CCNG1: variants seen among roughly 807,000 people sequenced by gnomAD.
The protein encoded by CCNG1 is cyclin G1, also known as cyclin-G1.
Under a neutral mutation model 30.0 loss-of-function variants are expected in CCNG1, and 13 were observed. That is an observed-to-expected ratio of 0.43 (90% CI 0.28 to 0.69). CCNG1 has a LOEUF of 0.69. Among genes scored for constraint, CCNG1 ranks in the 30% least tolerant of loss-of-function variants. CCNG1 has a pLI of 0.16. For missense variants in CCNG1, 285 were observed against 331.4 expected, an observed-to-expected ratio of 0.86 and a Z score of 1.09; for synonymous variants, 110 against 121.5, an observed-to-expected ratio of 0.91 and a Z score of 0.62.
At chr5:163,453,612 T>G in the CCNG1 span, 6 of 158,140 alleles carry the variant, frequency 3.8e-5, no homozygotes, top group South Asian at 2.0e-4. Flanking sequence ...ATCATACTTA[T>G]CAAAAGAAAA....
At chr5:163,450,582 G>A (rs1269497683), downstream of CCNG1, 1 of 152,170 alleles carries the variant, frequency 6.6e-6, no homozygotes, top group East Asian at 1.9e-4. Flanking sequence ...GCTCAACATA[G>A]TATCAGAGAA....
At chr5:163,443,306 C>G (rs1209127460) in intron 6 of CCNG1, among the ~76,000 whole-genome samples, 4 of 132,344 alleles carry the variant, frequency 3.0e-5, no homozygotes, top group African/African-American at 1.2e-4. Context: ...AGCAAGACTC[C>G]GCCACAAAAA....
the CCNG1 span, among the ~76,000 whole-genome samples, chr5:163,455,621 G>T: frequency 1.3e-5 from 2 of 152,034 alleles, no homozygotes; most frequent in Non-Finnish European, 2.9e-5. Context: ...AAAATTAGCC[G>T]TGCGTGGTGG....
Position 163,442,385 on chromosome 5 carries a change from A to C in CCNG1, c.708A>C (p.Arg236Ser). 2 of 1,608,682 alleles carry C rather than the reference A, an allele frequency of 1.2e-6. No individual in the cohort carries two copies. The highest frequency in any genetic ancestry group is 1.7e-6 in the Non-Finnish European group (2 of 1,177,920). The part of the protein sequence containing the change: ...CLQKHSKING[R>S]DLTFWQELVS... ...TTATGTATGTACAGATAAATGGCAGAGATCTGACCTTCTGGCAAGAGCTTG... is the reference window on the plus strand; with the variant it reads ...TTATGTATGTACAGATAAATGGCAGCGATCTGACCTTCTGGCAAGAGCTTG... The change falls in exon 6 of 7, where the codon AGA becomes AGC. Residue 236 changes from arginine to serine, a missense_variant. Transcript: ENST00000340828.
the CCNG1 span, chr5:163,457,136 G>C: frequency 7.3e-7 from 1 of 1,372,802 alleles, no homozygotes; most frequent in Non-Finnish European, 9.7e-7. Context: ...TCTTCATCAA[G>C]TTGTTTTTTT....
At chr5:163,454,600 C>G in the CCNG1 span, among the ~76,000 whole-genome samples, 9 of 152,354 alleles carry the variant, frequency 5.9e-5, no homozygotes, top group East Asian at 1.7e-3. Flanking sequence ...CTCAGCCTCC[C>G]AAAGTGCTGG....
At chr5:163,447,361 A>C (rs929169283), downstream of CCNG1, 1 of 151,808 alleles carries the variant, frequency 6.6e-6, no homozygotes, top group Admixed American at 6.6e-5. Context: ...TGAGGTGGGA[A>C]GACTGTCTGA....
At chr5:163,454,008 A>G in the CCNG1 span, 1 of 1,562,478 alleles carries the variant, frequency 6.4e-7, no homozygotes, top group Non-Finnish European at 8.7e-7. Context: ...CCTTTAGTGT[A>G]GTTTCCTGAG....
At position 163,443,780 on chromosome 5, in the gene CCNG1, C is replaced by T. The variant is rs1287347396; in HGVS notation, c.*110C>T. On this transcript the variant is annotated 3_prime_UTR_variant, in exon 7 of 7. Coordinates refer to ENST00000340828, the MANE Select transcript of CCNG1 (RefSeq NM_004060.4). ...TAAGCTATGAAGCCTCAAAACATCACGAGATAAGCATGATGGTCTCAGACT... is the reference window on the plus strand; with the variant it reads ...TAAGCTATGAAGCCTCAAAACATCATGAGATAAGCATGATGGTCTCAGACT... 17 of 1,219,776 alleles carry T rather than the reference C, an allele frequency of 1.4e-5. No individual in the cohort carries two copies. The highest frequency in any genetic ancestry group is 3.0e-5 in the African/African-American group (2 of 66,426). The allele number at this position is 1,219,776 out of a possible 1,614,324, so 75.6% of individuals were successfully genotyped here.
intron 6 of CCNG1, among the ~76,000 whole-genome samples, chr5:163,442,784 C>T (rs1234317799): frequency 1.3e-5 from 2 of 152,048 alleles, no homozygotes; most frequent in African/African-American, 2.4e-5. Flanking sequence ...ACCTCTGATA[C>T]ATACGTTAGC....
chr5:163,450,625 C>T (rs1367434089), downstream of CCNG1: 1 of 152,164 alleles, frequency 6.6e-6, no homozygotes, highest in Non-Finnish European at 1.5e-5. Context: ...GATCCCATTT[C>T]ATATCCACTA....
chr5:163,449,556 G>A (rs1758123315), downstream of CCNG1: 1 of 152,150 alleles, frequency 6.6e-6, no homozygotes, highest in Non-Finnish European at 1.5e-5. Context: ...TGTAGATACA[G>A]AGTAGCTAAT....
In CCNG1 at chr5:163,442,106, T is replaced by C; in HGVS notation, c.659T>C (p.Leu220Ser). ...LEIQAQKCVE[L>S]TEGIECLQKH... ...ATCCAAGCACAGAAGTGTGTAGAGT[T>C]AACAGAAGGAATAGAATGTCTTCAG... Residue 220 changes from leucine to serine, a missense_variant, in exon 5 of 7, where the codon TTA (leucine) becomes TCA (serine). Physicochemically the swap from Leu to Ser is moderately radical, Grantham distance 145. Coordinates refer to ENST00000340828, the MANE Select transcript of CCNG1 (RefSeq NM_004060.4). The C allele has an allele frequency of 6.2e-7, 1 of 1,611,992 alleles. No individual in the cohort carries two copies. The highest frequency in any genetic ancestry group is 1.1e-5 in the South Asian group (1 of 90,966).
At chr5:163,453,986 A>G in the CCNG1 span, 1 of 1,541,084 alleles carries the variant, frequency 6.5e-7, no homozygotes, top group South Asian at 1.3e-5. Flanking sequence ...AAGGTTTGAG[A>G]AATCTGGTCC....
chr5:163,438,126 T>C (rs1172508889), intron 1 of CCNG1, among the ~76,000 whole-genome samples: 1 of 152,172 alleles, frequency 6.6e-6, no homozygotes, highest in East Asian at 1.9e-4. Flanking sequence ...GGACCTTCCA[T>C]GTATCCAGGG....
At chr5:163,455,818 C>T in the CCNG1 span, among the ~76,000 whole-genome samples, 1 of 149,516 alleles carries the variant, frequency 6.7e-6, no homozygotes, top group Non-Finnish European at 1.5e-5. Context: ...CCAATTAGAA[C>T]GTTATTAGAG....
downstream of CCNG1, chr5:163,448,199 A>G (rs1221961839): frequency 8.1e-6 from 1 of 123,484 alleles, no homozygotes; most frequent in Admixed American, 7.7e-5. Context: ...AGCAGAAAGA[A>G]GAAAAAAAAA....
chr5:163,454,451 C>G, the CCNG1 span, among the ~76,000 whole-genome samples: 35 of 152,162 alleles, frequency 2.3e-4, no homozygotes, highest in African/African-American at 8.2e-4. Context: ...AAGCGATTCT[C>G]CTGCCTAAGC....
chr5:163,440,575 A>G (rs906588989), intron 2 of CCNG1, among the ~76,000 whole-genome samples: 2 of 152,170 alleles, frequency 1.3e-5, no homozygotes, highest in African/African-American at 4.8e-5. Context: ...ATTAAATGAT[A>G]AAGATTAGTA....
Sources: allele counts gnomAD v4.1 joint callset (sites outside exome capture counted in the v4.1 genomes callset), GRCh38; gene constraint gnomAD v4.1.1; transcripts MANE v1.5; gene names NCBI Gene and HGNC (gene_info 2026-07-23, HGNC 2026-07-21).